The following ASPRV1 variants were observed in gnomAD, a reference collection of about 807,000 sequenced individuals.
ASPRV1 encodes retroviral-like aspartic protease 1.
Under a neutral mutation model 11.0 loss-of-function variants are expected in ASPRV1, and 7 were observed. The observed-to-expected ratio is 0.64, with a 90% CI of 0.36 to 1.20. The LOEUF (loss-of-function observed/expected upper bound fraction) is 1.20. ASPRV1 is among the 50% of genes most tolerant of loss of function. ASPRV1 has a pLI of 0.02. For synonymous variants in ASPRV1, 136 were observed against 138.4 expected, an observed-to-expected ratio of 0.98 and a Z score of 0.12; for missense variants, 299 against 320.0, an observed-to-expected ratio of 0.93 and a Z score of 0.50.
upstream of ASPRV1, chr2:69,963,647 C>T: frequency 2.8e-6 from 1 of 360,446 alleles, no homozygotes. Flanking sequence ...GATCTCCCTA[C>T]TGCCCTTAGA....
the ASPRV1 span, among the ~76,000 whole-genome samples, chr2:69,953,088 TC>T: frequency 1.3e-5 from 2 of 152,200 alleles, no homozygotes; most frequent in African/African-American, 4.8e-5. Context: ...CTCCTGTTTC[TC>T]CCAGCTCAGG....
chr2:69,949,327 AGAG>A, the ASPRV1 span, among the ~76,000 whole-genome samples: 2 of 152,214 alleles, frequency 1.3e-5, no homozygotes, highest in African/African-American at 2.4e-5. Context: ...TAAGAGAGAC[AGAG>A]GAGAACTTTA....
chr2:70,018,519 A>G, the ASPRV1 span, among the ~76,000 whole-genome samples: 19 of 152,200 alleles, frequency 1.2e-4, no homozygotes, highest in African/African-American at 4.1e-4. Flanking sequence ...GTCTGTCTCC[A>G]AAATATACTA....
the ASPRV1 span, among the ~76,000 whole-genome samples, chr2:70,036,216 T>A: frequency 6.6e-6 from 1 of 151,946 alleles, no homozygotes; most frequent in East Asian, 2.0e-4. Flanking sequence ...ATATGGTGGG[T>A]GGGCTGAAAC....
the ASPRV1 span, among the ~76,000 whole-genome samples, chr2:70,016,825 C>T: frequency 1.3e-5 from 2 of 149,442 alleles, no homozygotes; most frequent in African/African-American, 2.5e-5. Flanking sequence ...GCCTGGACAA[C>T]AAGGCAACAG....
chr2:69,980,925 G>A, the ASPRV1 span, among the ~76,000 whole-genome samples: 30 of 152,078 alleles, frequency 2.0e-4, no homozygotes, highest in Non-Finnish European at 2.9e-4. Context: ...ACAGGCGCCC[G>A]CCACCAGGCC....
the ASPRV1 span, among the ~76,000 whole-genome samples, chr2:70,029,419 T>A: frequency 2.6e-5 from 4 of 152,024 alleles, no homozygotes; most frequent in African/African-American, 9.6e-5. Context: ...GGTGGGTGGA[T>A]CACAAGCTCA....
chr2:70,025,818 G>A, the ASPRV1 span, among the ~76,000 whole-genome samples: 20 of 152,192 alleles, frequency 1.3e-4, no homozygotes, highest in African/African-American at 4.1e-4. Context: ...CCATACCAAA[G>A]GCCAGGACAC....
chr2:69,988,881 C>T, the ASPRV1 span: 2 of 452,250 alleles, frequency 4.4e-6, no homozygotes, highest in Non-Finnish European at 4.5e-6. Context: ...AGGTCACACA[C>T]AGGTTCCCCT....
the ASPRV1 span, among the ~76,000 whole-genome samples, chr2:69,983,586 G>A: frequency 1.5e-4 from 23 of 152,232 alleles, no homozygotes; most frequent in African/African-American, 4.8e-4. Flanking sequence ...CAGGGAGATG[G>A]TGTGTTGAAA....
At chr2:70,024,172 C>T in the ASPRV1 span, among the ~76,000 whole-genome samples, 1 of 149,698 alleles carries the variant, frequency 6.7e-6, no homozygotes, top group African/African-American at 2.5e-5. Context: ...TATAGTAAGA[C>T]TATGAAAAAT....
chr2:70,074,171 A>G, the ASPRV1 span, among the ~76,000 whole-genome samples: 2 of 150,556 alleles, frequency 1.3e-5, no homozygotes, highest in East Asian at 3.9e-4. Flanking sequence ...CAGAAATCAC[A>G]AATACCATTG....
chr2:69,967,685 T>C, the ASPRV1 span, among the ~76,000 whole-genome samples: 1 of 152,252 alleles, frequency 6.6e-6, no homozygotes, highest in Non-Finnish European at 1.5e-5. Context: ...ATGAATGATC[T>C]TAACTTTCTT....
the ASPRV1 span, among the ~76,000 whole-genome samples, chr2:69,980,015 G>A: frequency 6.6e-6 from 1 of 152,206 alleles, no homozygotes; most frequent in African/African-American, 2.4e-5. Context: ...TCCCCCTGCC[G>A]CTGGCCTGCC....
the ASPRV1 span, among the ~76,000 whole-genome samples, chr2:69,999,392 G>T: frequency 6.6e-6 from 1 of 152,064 alleles, no homozygotes; most frequent in Admixed American, 6.6e-5. Flanking sequence ...CAGAAACAAT[G>T]CCTATAATCC....
At chr2:70,019,902 TAA>T in the ASPRV1 span, among the ~76,000 whole-genome samples, 9 of 152,230 alleles carry the variant, frequency 5.9e-5, no homozygotes, top group Admixed American at 1.3e-4. Context: ...GAGAATAAAT[TAA>T]GTGGTCTTAT....
the ASPRV1 span, chr2:70,080,972 T>G: frequency 6.6e-6 from 1 of 152,120 alleles, no homozygotes; most frequent in Non-Finnish European, 1.5e-5. Context: ...GGGCTCCCTA[T>G]GTTGCCCGGG....
chr2:70,055,226 C>A, the ASPRV1 span, among the ~76,000 whole-genome samples: 8 of 152,126 alleles, frequency 5.3e-5, no homozygotes, highest in African/African-American at 9.7e-5. Context: ...ATCACTGGAA[C>A]CTGGGAGGTG....
chr2:70,062,551 G>A, the ASPRV1 span, among the ~76,000 whole-genome samples: 10 of 152,278 alleles, frequency 6.6e-5, no homozygotes, highest in Middle Eastern at 0.02. Context: ...ATGAAGAAAG[G>A]CCCTTACTTG....
Sources: allele counts gnomAD v4.1 joint callset (sites outside exome capture counted in the v4.1 genomes callset), GRCh38; gene constraint gnomAD v4.1.1; transcripts MANE v1.5; gene names NCBI Gene and HGNC (gene_info 2026-07-23, HGNC 2026-07-21).